UNC13C: variants seen among roughly 807,000 people sequenced by gnomAD.
The protein encoded by UNC13C is protein unc-13 homolog C.
Under a neutral mutation model 245.4 loss-of-function variants are expected in UNC13C, and 174 were observed. That is an observed-to-expected ratio of 0.71 (90% CI 0.63 to 0.80). The LOEUF (loss-of-function observed/expected upper bound fraction) is 0.80, where lower values mean the gene tolerates loss of function less well. Ranked by LOEUF, UNC13C falls within the 30% of genes least tolerant of loss-of-function variation. UNC13C has a pLI of 0.00. For missense variants in UNC13C, 2,829 were observed against 2,602.9 expected (o/e 1.09, Z -1.89); for synonymous variants, 992 against 895.1 (o/e 1.11, Z -1.93).
chr15:54,216,230 C>G (rs936601248), intron 4 of UNC13C, among the ~76,000 whole-genome samples: 2 of 151,934 alleles, frequency 1.3e-5, no homozygotes, highest in African/African-American at 4.8e-5. Context: ...ATCTGGGTAT[C>G]TTGCACAAGC....
intron 19 of UNC13C, among the ~76,000 whole-genome samples, chr15:54,471,967 G>T (rs1056487752): frequency 6.6e-6 from 1 of 151,652 alleles, no homozygotes; most frequent in African/African-American, 2.4e-5. Context: ...TAAAACAGTT[G>T]TTGATAGATA....
At chr15:54,181,459 GTTTGTTTTGT>G (rs1048732207) in intron 4 of UNC13C, among the ~76,000 whole-genome samples, 1 of 150,684 alleles carries the variant, frequency 6.6e-6, no homozygotes, top group South Asian at 2.1e-4. Context: ...TTTTTTGTTT[GTTTGTTTTGT>G]TTTGTTTTGT....
chr15:54,417,089 T>A (rs1267140990), intron 19 of UNC13C: 1 of 398,568 alleles, frequency 2.5e-6, no homozygotes, highest in Non-Finnish European at 5.0e-6. Context: ...TTTATTTGTT[T>A]ATTTGTTTGT....
chr15:54,037,787 C>T (rs980812238), intron 2 of UNC13C, among the ~76,000 whole-genome samples: 3 of 151,864 alleles, frequency 2.0e-5, no homozygotes, highest in Non-Finnish European at 4.4e-5. Context: ...GCCATTTATG[C>T]AAGTGCTGTT....
At chr15:54,005,468 A>G (rs1895093012) in intron 1 of UNC13C, among the ~76,000 whole-genome samples, 1 of 152,296 alleles carries the variant, frequency 6.6e-6, no homozygotes, top group East Asian at 1.9e-4. Context: ...GTAAAATGGG[A>G]ATTCATAACA....
intron 2 of UNC13C, among the ~76,000 whole-genome samples, chr15:54,068,534 A>G (rs1375309031): frequency 6.6e-6 from 1 of 152,200 alleles, no homozygotes; most frequent in Non-Finnish European, 1.5e-5. Context: ...AGTGGTTGCC[A>G]CAGAGACTGC....
At chr15:53,989,424 T>C (rs925907596) in intron 1 of UNC13C, among the ~76,000 whole-genome samples, 4 of 150,976 alleles carry the variant, frequency 2.6e-5, no homozygotes, top group African/African-American at 9.8e-5. Flanking sequence ...AAAGAAAAAA[T>C]ATTAATCCAA....
intron 17 of UNC13C, among the ~76,000 whole-genome samples, chr15:54,380,569 T>C (rs2039701445): frequency 6.6e-6 from 1 of 152,188 alleles, no homozygotes; most frequent in African/African-American, 2.4e-5. Context: ...TGTACTGATT[T>C]ACATTCCCAT....
chr15:54,521,481 A>G (rs1410967464), intron 24 of UNC13C, among the ~76,000 whole-genome samples: 1 of 152,222 alleles, frequency 6.6e-6, no homozygotes, highest in Non-Finnish European at 1.5e-5. Flanking sequence ...AATGACTTTT[A>G]AATGACTTTG....
At chr15:53,915,632 T>C in the UNC13C span, among the ~76,000 whole-genome samples, 1 of 152,206 alleles carries the variant, frequency 6.6e-6, no homozygotes, top group Non-Finnish European at 1.5e-5. Context: ...TGATAGAATA[T>C]GATTAGTAAA....
intron 19 of UNC13C, among the ~76,000 whole-genome samples, chr15:54,481,674 T>G (rs1270253070): frequency 6.6e-6 from 1 of 151,826 alleles, no homozygotes; most frequent in Non-Finnish European, 1.5e-5. Context: ...GATGGGCCTG[T>G]CTTTGGGTCC....
chr15:54,120,542 C>T (rs2030594625), intron 2 of UNC13C, among the ~76,000 whole-genome samples: 1 of 152,100 alleles, frequency 6.6e-6, no homozygotes, highest in Admixed American at 6.6e-5. Context: ...ATCTATTCTG[C>T]AGCCCATGGA....
chr15:54,229,218 A>C (rs1229149925), intron 4 of UNC13C, among the ~76,000 whole-genome samples: 2 of 152,210 alleles, frequency 1.3e-5, no homozygotes, highest in African/African-American at 2.4e-5. Context: ...CCATGTGGTC[A>C]CTGCCAAGGG....
intron 4 of UNC13C, among the ~76,000 whole-genome samples, chr15:54,174,126 T>C (rs1314237652): frequency 6.6e-6 from 1 of 152,154 alleles, no homozygotes; most frequent in East Asian, 1.9e-4. Context: ...GATATTTTTG[T>C]TTTTATGCTC....
chr15:54,032,343 C>G (rs754447768), intron 2 of UNC13C, among the ~76,000 whole-genome samples: 2 of 152,070 alleles, frequency 1.3e-5, no homozygotes, highest in Non-Finnish European at 2.9e-5. Context: ...ATTACAAGGC[C>G]GGATAAACAT....
At chr15:54,543,652 G>A (rs559054319) in intron 26 of UNC13C, among the ~76,000 whole-genome samples, 1 of 152,100 alleles carries the variant, frequency 6.6e-6, no homozygotes. Context: ...TACCTTCTGA[G>A]AATACTATAA....
rs574796444 is a variant in UNC13C at position 54,554,073 on chromosome 15, A to G, written c.5878-1359A>G. Among the ~76,000 whole-genome samples the G allele has an allele frequency of 1.8e-4, 27 of 152,172 alleles. No individual in the cohort carries two copies. The South Asian group carries it at 5.6e-3, about 31-fold the overall frequency. On this transcript the variant is annotated intron_variant, in intron 28 of 32. Coordinates refer to ENST00000260323, the MANE Select transcript of UNC13C (RefSeq NM_001080534.3). ...TCATGGATCCATGAAACATTATACC[A>G]TGTTGTTAGCAGTATCCAAAGACAA...
At position 54,265,434 on chromosome 15, in the gene UNC13C, C is replaced by T. The variant is rs1421553679; in HGVS notation, c.3756C>T (p.Asn1252=). 1 of 1,575,884 alleles carries T rather than the reference C, an allele frequency of 6.3e-7. No individual in the cohort carries two copies. The highest frequency in any genetic ancestry group is 8.6e-7 in the Non-Finnish European group (1 of 1,158,422). The change falls in exon 10 of 33, where the codon AAC becomes AAT. Residue 1252 remains asparagine (N), a synonymous_variant. Transcript: ENST00000260323. ...ATGTTACAGTTCAAGTTGGAAAGAA[C>T]AAAAGAAGAACAAAAACCATTTTTG... is the stretch of plus-strand genomic sequence containing the variant. ...DPYVTVQVGK[N]KRRTKTIFGN...
At chr15:54,548,973 A>T (rs978804967) in intron 27 of UNC13C, among the ~76,000 whole-genome samples, 2 of 152,162 alleles carry the variant, frequency 1.3e-5, no homozygotes, top group Admixed American at 6.6e-5. Context: ...AAACATCTAG[A>T]TAACATTTGT....
Sources: allele counts gnomAD v4.1 joint callset (sites outside exome capture counted in the v4.1 genomes callset), GRCh38; gene constraint gnomAD v4.1.1; transcripts MANE v1.5; gene names NCBI Gene and HGNC (gene_info 2026-07-23, HGNC 2026-07-21).